Variants in RGS6 observed in about 807,000 individuals in gnomAD.
The protein encoded by RGS6 is regulator of G-protein signaling 6.
RGS6 carries 30 observed loss-of-function variants against 78.5 expected under a neutral mutation model. The observed-to-expected ratio is 0.38, with a 90% CI of 0.29 to 0.52. RGS6 has a LOEUF of 0.52. RGS6 is among the 20% of genes least tolerant of loss of function. The pLI, the probability that RGS6 is intolerant of heterozygous loss-of-function variation, is 0.85. For missense variants in RGS6, 495 were observed against 609.7 expected (o/e 0.81, Z 1.98); for synonymous variants, 206 against 206.0 (o/e 1.00, Z 0.00).
intron 2 of RGS6, among the ~76,000 whole-genome samples, chr14:72,337,568 G>T (rs1025873027): frequency 8.5e-5 from 13 of 152,066 alleles, no homozygotes; most frequent in Non-Finnish European, 1.6e-4. Flanking sequence ...AGGTGACCTG[G>T]CCGGTTCGAT....
At chr14:72,098,784 A>T (rs898518157) in intron 2 of RGS6, among the ~76,000 whole-genome samples, 1 of 152,140 alleles carries the variant, frequency 6.6e-6, no homozygotes, top group East Asian at 1.9e-4. Flanking sequence ...ATGGTACTGC[A>T]TGTTCTCCTC....
intron 2 of RGS6, among the ~76,000 whole-genome samples, chr14:72,283,669 G>T (rs1022085542): frequency 5.9e-5 from 9 of 152,178 alleles, no homozygotes; most frequent in African/African-American, 2.2e-4. Flanking sequence ...AAATTACCCA[G>T]TCTCAGGTGT....
intron 2 of RGS6, among the ~76,000 whole-genome samples, chr14:72,268,891 G>A (rs1018109786): frequency 3.9e-5 from 6 of 152,208 alleles, no homozygotes; most frequent in Non-Finnish European, 7.3e-5. Context: ...AATACAGAGG[G>A]GGACTTTTAG....
the RGS6 span, among the ~76,000 whole-genome samples, chr14:71,868,441 A>T: frequency 6.6e-6 from 1 of 152,176 alleles, no homozygotes; most frequent in African/African-American, 2.4e-5. Context: ...GAACCATATC[A>T]TATTTACACT....
intron 2 of RGS6, among the ~76,000 whole-genome samples, chr14:72,310,521 T>A (rs570158280): frequency 1.4e-4 from 22 of 152,320 alleles, no homozygotes; most frequent in African/African-American, 4.3e-4. Flanking sequence ...GTTAGCTTAA[T>A]TATTGGGGAA....
At chr14:72,353,620 TGATGAACA>T (rs906909965) in intron 3 of RGS6, among the ~76,000 whole-genome samples, 14 of 152,126 alleles carry the variant, frequency 9.2e-5, no homozygotes, top group African/African-American at 3.4e-4. Context: ...GAGATGATGA[TGATGAACA>T]GATGAACAGT....
chr14:71,928,827 T>C (rs979177869), upstream of RGS6, among the ~76,000 whole-genome samples: 1 of 152,212 alleles, frequency 6.6e-6, no homozygotes, highest in Non-Finnish European at 1.5e-5. Context: ...AATCACATTA[T>C]TGTATATATT....
At chr14:72,238,230 T>C (rs550076320) in intron 2 of RGS6, among the ~76,000 whole-genome samples, 97 of 152,272 alleles carry the variant, frequency 6.4e-4, no homozygotes, top group African/African-American at 2.2e-3. Context: ...TTCAGCTGCT[T>C]GTCTCTCTGC....
At chr14:72,200,114 G>C (rs1386404587) in intron 2 of RGS6, among the ~76,000 whole-genome samples, 1 of 152,108 alleles carries the variant, frequency 6.6e-6, no homozygotes, top group Non-Finnish European at 1.5e-5. Context: ...GGATAATTAG[G>C]GAATTCTAGA....
chr14:72,562,480 C>G lies in RGS6; in HGVS notation c.*13C>G. The stretch of plus-strand genomic sequence containing the variant: ...GCAGTCCTCCTGACCGTTCCTACCG[C>G]AGGTCCAGGGCCTGGGCCCGCGGAC... On this transcript the variant is annotated 3_prime_UTR_variant, in exon 18 of 18. Coordinates refer to ENST00000553525, the MANE Select transcript of RGS6 (RefSeq NM_001204424.2). The G allele has an allele frequency of 6.2e-7, 1 of 1,611,824 alleles. No individual in the cohort carries two copies. Among genetic ancestry groups the G allele is most frequent in the East Asian group, 2.2e-5 (1 of 44,882 alleles).
chr14:72,523,307 A>G (rs1457801325), intron 15 of RGS6, among the ~76,000 whole-genome samples: 2 of 152,130 alleles, frequency 1.3e-5, no homozygotes, highest in South Asian at 2.1e-4. Context: ...TTCTAGAATT[A>G]TCCATTTAAG....
intron 2 of RGS6, among the ~76,000 whole-genome samples, chr14:72,184,634 G>A (rs1274594174): frequency 1.3e-5 from 2 of 152,052 alleles, no homozygotes; most frequent in African/African-American, 4.8e-5. Flanking sequence ...AGGCAGAAGG[G>A]GGGACTTGGG....
At chr14:72,053,168 G>A (rs1322987877) in intron 2 of RGS6, among the ~76,000 whole-genome samples, 1 of 142,634 alleles carries the variant, frequency 7.0e-6, no homozygotes, top group Non-Finnish European at 1.5e-5. Flanking sequence ...TCACCAGGCT[G>A]GAGTGCAGTG....
Position 72,351,907 on chromosome 14 carries a change from G to T in RGS6, c.85-188G>T, listed in dbSNP as rs145614516. ...ACTTATGCTCTGTATATAACCTTCA[G>T]ACCTCCCTATACCCAGCACTTGGTA... On this transcript the variant is annotated intron_variant, in intron 2 of 17. Transcript: ENST00000553525. 0.012 allele frequency among the ~76,000 whole-genome samples: 1,840 copies of T among 152,172 alleles called. 21 individuals carry two copies. The highest frequency in any genetic ancestry group is 0.082 in the Middle Eastern group (24 of 294).
intron 2 of RGS6, among the ~76,000 whole-genome samples, chr14:72,193,225 C>T (rs2097350924): frequency 6.6e-6 from 1 of 152,160 alleles, no homozygotes; most frequent in Non-Finnish European, 1.5e-5. Flanking sequence ...AACTCCTGAC[C>T]TCAGGTGATC....
At chr14:72,454,903 A>G (rs1199954541) in intron 4 of RGS6, among the ~76,000 whole-genome samples, 1 of 152,228 alleles carries the variant, frequency 6.6e-6, no homozygotes, top group Admixed American at 6.5e-5. Flanking sequence ...AGCCTTCTAG[A>G]GCCAGCTCTT....
At chr14:72,078,521 C>G (rs1417213541) in intron 2 of RGS6, among the ~76,000 whole-genome samples, 1 of 152,108 alleles carries the variant, frequency 6.6e-6, no homozygotes, top group African/African-American at 2.4e-5. Flanking sequence ...TCAAGTGATT[C>G]TCCCGCCTCA....
intron 2 of RGS6, among the ~76,000 whole-genome samples, chr14:72,199,653 T>C (rs2041025721): frequency 6.6e-6 from 1 of 152,224 alleles, no homozygotes; most frequent in South Asian, 2.1e-4. Context: ...CTCCCCTCAG[T>C]AGGTGGCTGT....
At chr14:72,494,649 C>CT (rs2096620706) in intron 12 of RGS6, among the ~76,000 whole-genome samples, 2 of 152,068 alleles carry the variant, frequency 1.3e-5, no homozygotes, top group African/African-American at 4.8e-5. Context: ...AGAAAAGTTG[C>CT]TTTTTTGGAA....
Sources: gnomAD v4.1 joint callset for allele counts (sites outside exome capture counted in the v4.1 genomes callset) on GRCh38, gnomAD v4.1.1 for gene constraint, MANE v1.5 for transcripts, NCBI Gene and HGNC (gene_info 2026-07-23, HGNC 2026-07-21) for gene names.